SHC4: variants seen among roughly 807,000 people sequenced by gnomAD.
SHC4 encodes SHC-transforming protein 4.
A neutral mutation model predicts 69.4 loss-of-function variants in SHC4; 41 were observed. The ratio of observed to expected loss-of-function variants is 0.59; its 90% CI spans 0.46 to 0.77. The LOEUF is 0.77. SHC4 is among the 30% of genes least tolerant of loss of function. The probability of loss-of-function intolerance (pLI) is 0.00; values close to 1 mark genes in which losing one functional copy is unlikely to be tolerated. For synonymous variants in SHC4, 318 were observed against 299.3 expected (o/e 1.06, Z -0.64); for missense variants, 777 against 783.8 (o/e 0.99, Z 0.10).
intron 4 of SHC4, among the ~76,000 whole-genome samples, chr15:48,874,159 G>A (rs1424721166): frequency 2.0e-5 from 3 of 152,240 alleles, no homozygotes; most frequent in South Asian, 2.1e-4. Context: ...AAGAGTTAGC[G>A]CAGTTTTTTA....
At chr15:48,955,703 T>C (rs1901441495) in intron 1 of SHC4, among the ~76,000 whole-genome samples, 1 of 152,208 alleles carries the variant, frequency 6.6e-6, no homozygotes, top group South Asian at 2.1e-4. Flanking sequence ...AAGACAATTT[T>C]CCCATTAGAA....
At chr15:48,904,250 T>C (rs1332087973) in intron 2 of SHC4, among the ~76,000 whole-genome samples, 3 of 152,334 alleles carry the variant, frequency 2.0e-5, no homozygotes, top group South Asian at 2.1e-4. Flanking sequence ...CTACCACCTA[T>C]TGACTTGCTA....
chr15:48,895,638 G>T (rs1900209249), intron 2 of SHC4, among the ~76,000 whole-genome samples: 1 of 152,052 alleles, frequency 6.6e-6, no homozygotes, highest in Non-Finnish European at 1.5e-5. Flanking sequence ...GCCCACCTGG[G>T]CAAACACATA....
Position 48,843,568 on chromosome 15 carries a change from C to T in SHC4, c.1324G>A (p.Val442Met). ...RAIGNVHPRG[V>M]QSQRDTSLLK... The stretch of plus-strand genomic sequence containing the variant: ...AATGAGGTATCTCGCTGGGACTGCA[C>T]CCCTCTTGGATGGACATTACCTGTA... The change falls in exon 10 of 12, where the codon GTG becomes ATG. Residue 442 changes from valine (V) to methionine (M), a missense_variant. Val to Met is a conservative substitution (Grantham distance 21). Coordinates refer to ENST00000332408, the MANE Select transcript of SHC4 (RefSeq NM_203349.4). 3 of 1,614,034 alleles carry T rather than the reference C, an allele frequency of 1.9e-6. No homozygotes were observed. The highest frequency in any genetic ancestry group is 2.5e-6 in the Non-Finnish European group (3 of 1,179,928).
chr15:48,939,635 G>T (rs1312543265), intron 1 of SHC4, among the ~76,000 whole-genome samples: 2 of 152,286 alleles, frequency 1.3e-5, no homozygotes, highest in Non-Finnish European at 1.5e-5. Context: ...TATGCTGAAT[G>T]TCTGAGGACT....
intron 1 of SHC4, among the ~76,000 whole-genome samples, chr15:48,954,565 T>C (rs1438580080): frequency 2.0e-5 from 3 of 152,246 alleles, no homozygotes; most frequent in Non-Finnish European, 4.4e-5. Flanking sequence ...GCTTTTCGCT[T>C]TGCTGCACTG....
rs140107742 is a variant in SHC4 at position 48,825,716 on chromosome 15, T to A, written c.*255A>T. ...GCTTGTTATCAATGCAATATGGCCT[T>A]AAAAAGTGACATCCGTGCATACATA... On this transcript the variant is annotated 3_prime_UTR_variant, in exon 12 of 12. Coordinates refer to ENST00000332408, the MANE Select transcript of SHC4 (RefSeq NM_203349.4). 478 of 358,050 alleles carry A rather than the reference T, an allele frequency of 1.3e-3. 2 individuals carry two copies. Among genetic ancestry groups the A allele is most frequent in the African/African-American group, 9.4e-3 (447 of 47,754 alleles). 22.2% of individuals were successfully genotyped at this position (358,050 alleles called of 1,614,324 possible). A position where few individuals can be genotyped will look rare whatever the true frequency, so the allele number is the denominator to read the frequency against.
At chr15:48,890,922 G>T in intron 2 of SHC4, 111 bp from the exon 3 acceptor site, 2 of 1,105,940 alleles carry the variant, frequency 1.8e-6, no homozygotes, top group African/African-American at 1.6e-5. Flanking sequence ...ACATAATAGT[G>T]AGTCTAACAC....
intron 6 of SHC4, among the ~76,000 whole-genome samples, chr15:48,862,185 C>G (rs1485921742): frequency 2.0e-5 from 3 of 149,852 alleles, no homozygotes; most frequent in Admixed American, 2.0e-4. Flanking sequence ...GTTGGTTTTA[C>G]TGGTTTTGGG....
At chr15:48,913,325 G>T (rs2141017949) in intron 2 of SHC4, among the ~76,000 whole-genome samples, 1 of 152,182 alleles carries the variant, frequency 6.6e-6, no homozygotes, top group Non-Finnish European at 1.5e-5. Flanking sequence ...TGTGTACCTA[G>T]AAGGATTATG....
intron 1 of SHC4, chr15:48,947,850 T>A (rs1250888051): frequency 6.6e-6 from 1 of 152,226 alleles, no homozygotes; most frequent in Non-Finnish European, 1.5e-5. Context: ...CAAAGGGCCC[T>A]CTAGAAGATT....
chr15:48,939,020 G>C (rs1245205847), intron 1 of SHC4, among the ~76,000 whole-genome samples: 1 of 152,208 alleles, frequency 6.6e-6, no homozygotes, highest in Non-Finnish European at 1.5e-5. Context: ...GTTATTGTGA[G>C]GATCCAATCA....
At chr15:48,950,359 C>T (rs971004728) in intron 1 of SHC4, among the ~76,000 whole-genome samples, 2 of 151,452 alleles carry the variant, frequency 1.3e-5, no homozygotes, top group South Asian at 4.2e-4. Flanking sequence ...GGAAGCTTTC[C>T]TTGATTACTC....
intron 1 of SHC4, among the ~76,000 whole-genome samples, chr15:48,954,784 C>G (rs1310805621): frequency 6.6e-6 from 1 of 152,122 alleles, no homozygotes; most frequent in Non-Finnish European, 1.5e-5. Flanking sequence ...GAGGCACCCC[C>G]TAGGCTATTG....
Position 48,938,615 on chromosome 15 carries a change from A to C in SHC4, c.586-13666T>G, listed in dbSNP as rs1367573618. Reference sequence around the variant, plus strand: ...GATATCACTGTGGGAGTGATTTGTCACATGTCCTTTCTCTTGCAATTGGGG... The same window carrying C: ...GATATCACTGTGGGAGTGATTTGTCCCATGTCCTTTCTCTTGCAATTGGGG... On this transcript the variant is annotated intron_variant, in intron 1 of 11. Coordinates refer to ENST00000332408, the MANE Select transcript of SHC4 (RefSeq NM_203349.4). Among the ~76,000 whole-genome samples the C allele has an allele frequency of 5.3e-5, 8 of 152,276 alleles. No individual in the cohort carries two copies. In the East Asian group the frequency reaches 1.5e-3, roughly 29 times the overall value.
chr15:48,956,162 A>G (rs1422500281), intron 1 of SHC4, among the ~76,000 whole-genome samples: 2 of 152,284 alleles, frequency 1.3e-5, no homozygotes, highest in East Asian at 3.9e-4. Flanking sequence ...TAATACCCTC[A>G]ATGCCAAGTC....
At position 48,824,489 on chromosome 15, in the gene SHC4, A is replaced by T. The variant is rs2140959467; in HGVS notation, c.*1482T>A. The T allele has an allele frequency of 6.6e-6, 1 of 152,220 alleles. No individual in the cohort carries two copies. The highest frequency in any genetic ancestry group is 2.4e-5 in the African/African-American group (1 of 41,540). 9.4% of individuals were successfully genotyped at this position (152,220 alleles called of 1,614,324 possible). ...AAGTAGTTTTCTGCTACTCAAACCAAATCCACTTTTATCATCATTCCCTAT... is the reference window on the plus strand; with the variant it reads ...AAGTAGTTTTCTGCTACTCAAACCATATCCACTTTTATCATCATTCCCTAT... On this transcript the variant is annotated 3_prime_UTR_variant, in exon 12 of 12. Transcript: ENST00000332408.
intron 2 of SHC4, among the ~76,000 whole-genome samples, chr15:48,916,271 GCTCACACACACACACA>G (rs1900618113): frequency 1.8e-5 from 2 of 108,622 alleles, no homozygotes; most frequent in South Asian, 3.5e-4. Context: ...GCTGATGGTT[GCTCACACACACACACA>G]CACACACACA....
At chr15:48,843,317 G>T in intron 10 of SHC4, 92 bp downstream of exon 10, 1 of 1,298,692 alleles carries the variant, frequency 7.7e-7, no homozygotes, top group Non-Finnish European at 1.1e-6. Context: ...TGGACTTCTG[G>T]CCTCCAGAAC....
Sources: gnomAD v4.1 joint callset for allele counts (sites outside exome capture counted in the v4.1 genomes callset) on GRCh38, gnomAD v4.1.1 for gene constraint, MANE v1.5 for transcripts, NCBI Gene and HGNC (gene_info 2026-07-23, HGNC 2026-07-21) for gene names.